Variants in CTNNA2 observed in about 807,000 individuals in gnomAD.
CTNNA2 encodes catenin alpha-2.
CTNNA2 carries 42 observed loss-of-function variants against 101.0 expected under a neutral mutation model. That is an observed-to-expected ratio of 0.42 (90% confidence interval 0.32 to 0.54). CTNNA2 has a LOEUF of 0.54. CTNNA2 is among the 20% of genes least tolerant of loss of function. The pLI is 0.14. For missense variants in CTNNA2, 871 were observed against 1,223.1 expected (o/e 0.71, Z 4.29); for synonymous variants, 450 against 456.4 (o/e 0.99, Z 0.18).
chr2:79,826,196 G>A (rs1678425129), intron 3 of CTNNA2, among the ~76,000 whole-genome samples: 1 of 152,184 alleles, frequency 6.6e-6, no homozygotes, highest in Non-Finnish European at 1.5e-5. Flanking sequence ...ACAGTAATTA[G>A]TTGAATCATT....
intron 4 of CTNNA2, among the ~76,000 whole-genome samples, chr2:79,490,960 TGC>T (rs1432601914): frequency 6.6e-6 from 1 of 152,180 alleles, no homozygotes; most frequent in Non-Finnish European, 1.5e-5. Context: ...AGTGGTTATA[TGC>T]ATTGTCATGG....
chr2:80,300,758 A>G (rs1676207982), intron 7 of CTNNA2, among the ~76,000 whole-genome samples: 2 of 152,232 alleles, frequency 1.3e-5, no homozygotes, highest in South Asian at 4.2e-4. Context: ...TCAATCATAC[A>G]TTTGCTTAAA....
chr2:79,342,874 G>A (rs4143798), intron 3 of CTNNA2, among the ~76,000 whole-genome samples: 47,618 of 152,022 alleles, frequency 0.31, 7,746 homozygotes, highest in Admixed American at 0.43. Flanking sequence ...TCATGCCAGA[G>A]AAGGTTCCAA....
intron 7 of CTNNA2, among the ~76,000 whole-genome samples, chr2:79,918,164 A>G (rs1221237978): frequency 6.6e-6 from 1 of 152,102 alleles, no homozygotes; most frequent in Non-Finnish European, 1.5e-5. Flanking sequence ...CCAACATTTT[A>G]TCTCCTTCCT....
chr2:80,093,686 T>G (rs1274315979), intron 7 of CTNNA2, among the ~76,000 whole-genome samples: 1 of 146,790 alleles, frequency 6.8e-6, no homozygotes, highest in Non-Finnish European at 1.5e-5. Flanking sequence ...GACTTTTTAA[T>G]GATCGCCATT....
chr2:80,019,786 C>G (rs976510500), intron 7 of CTNNA2, among the ~76,000 whole-genome samples: 1 of 152,132 alleles, frequency 6.6e-6, no homozygotes, highest in Non-Finnish European at 1.5e-5. Context: ...CCCACTGAAT[C>G]GAAGACTGTT....
At chr2:79,713,075 G>T (rs528608343) in intron 2 of CTNNA2, among the ~76,000 whole-genome samples, 2 of 152,146 alleles carry the variant, frequency 1.3e-5, no homozygotes, top group Non-Finnish European at 2.9e-5. Context: ...AAAAGAAAAG[G>T]AAATAAATAA....
intron 7 of CTNNA2, among the ~76,000 whole-genome samples, chr2:80,354,780 T>G (rs1233074984): frequency 6.6e-6 from 1 of 152,106 alleles, no homozygotes; most frequent in Non-Finnish European, 1.5e-5. Flanking sequence ...TTTCTCAAAC[T>G]CAGGTGCTAA....
At chr2:80,571,721 C>T (rs1694622858) in intron 12 of CTNNA2, among the ~76,000 whole-genome samples, 1 of 152,154 alleles carries the variant, frequency 6.6e-6, no homozygotes, top group Admixed American at 6.6e-5. Context: ...CCCTGACTCA[C>T]ATCCCTAAGT....
At chr2:79,223,666 C>A (rs1257777486) in intron 2 of CTNNA2, among the ~76,000 whole-genome samples, 3 of 152,166 alleles carry the variant, frequency 2.0e-5, no homozygotes, top group African/African-American at 7.2e-5. Context: ...TATTTCCATT[C>A]TCCTATTTTC....
intron 7 of CTNNA2, among the ~76,000 whole-genome samples, chr2:80,095,112 T>C (rs1413572606): frequency 1.3e-5 from 2 of 152,210 alleles, no homozygotes; most frequent in Non-Finnish European, 2.9e-5. Context: ...CCAGTTATTG[T>C]CCATTCAGTA....
chr2:79,745,846 A>G (rs905313490), intron 3 of CTNNA2, among the ~76,000 whole-genome samples: 1 of 152,184 alleles, frequency 6.6e-6, no homozygotes, highest in African/African-American at 2.4e-5. Context: ...GCTCCTGGGA[A>G]TAATGCTGCT....
Position 80,356,322 on chromosome 2 carries a change from A to G in CTNNA2, c.1057-36889A>G, listed in dbSNP as rs371732171. Among the ~76,000 whole-genome samples, 14 of 152,184 alleles carry G rather than the reference A, an allele frequency of 9.2e-5. No individual in the cohort carries two copies. In the East Asian group the frequency reaches 9.6e-4, roughly 10 times the overall value. On this transcript the variant is annotated intron_variant, in intron 7 of 18. Coordinates refer to ENST00000402739, the MANE Select transcript of CTNNA2 (RefSeq NM_001282597.3). ...TTTGAACATAAACAGGGGCAGCAAG[A>G]CATGGTAAAAACATCATTATACCTA... is the stretch of plus-strand genomic sequence containing the variant.
At chr2:80,429,277 C>G (rs1235391332) in intron 9 of CTNNA2, among the ~76,000 whole-genome samples, 1 of 152,100 alleles carries the variant, frequency 6.6e-6, no homozygotes, top group Non-Finnish European at 1.5e-5. Context: ...CTATTTATAA[C>G]CTTATTTAAT....
chr2:79,407,595 A>G (rs1439450761), intron 4 of CTNNA2, among the ~76,000 whole-genome samples: 1 of 151,980 alleles, frequency 6.6e-6, no homozygotes, highest in African/African-American at 2.4e-5. Context: ...ACCCTCTAGC[A>G]ATGAAGAGGA....
At position 79,345,108 on chromosome 2, in the gene CTNNA2, T is replaced by TA. The variant is rs5832381; in HGVS notation, c.-317-28713dup. Among the ~76,000 whole-genome samples, 674 of 147,122 alleles carry TA rather than the reference T, an allele frequency of 4.6e-3. 2 individuals are homozygous for TA. The highest frequency in any genetic ancestry group is 7.6e-3 in the Non-Finnish European group (509 of 67,174). ...TTTTATTATGGAATGTGTTTTTTTT[T>TA]AAAAAAAAAAGCAAAATGTAACAAA... On this transcript the variant is annotated intron_variant, in intron 3 of 21. Transcript: ENST00000466387.
chr2:79,320,260 A>ATTTTTTTTTTTTTTTTT (rs34694986), intron 3 of CTNNA2, among the ~76,000 whole-genome samples: 6 of 119,784 alleles, frequency 5.0e-5, no homozygotes, highest in Non-Finnish European at 3.4e-5. Flanking sequence ...TTACGTTTCA[A>ATTTTTTTTTTTTTTTTT]TTTTTTTTTT....
At chr2:79,745,566 A>AC (rs1334749942) in intron 3 of CTNNA2, among the ~76,000 whole-genome samples, 1 of 152,148 alleles carries the variant, frequency 6.6e-6, no homozygotes, top group African/African-American at 2.4e-5. Flanking sequence ...GAAACTCTAT[A>AC]CCCATTAAAC....
intron 9 of CTNNA2, among the ~76,000 whole-genome samples, chr2:80,477,832 G>A (rs1685846739): frequency 6.6e-6 from 1 of 151,722 alleles, no homozygotes; most frequent in Non-Finnish European, 1.5e-5. Flanking sequence ...TTGCAATTGT[G>A]AATTGTGCTG....
Sources: gnomAD v4.1 joint callset for allele counts (sites outside exome capture counted in the v4.1 genomes callset) on GRCh38, gnomAD v4.1.1 for gene constraint, MANE v1.5 for transcripts, NCBI Gene and HGNC (gene_info 2026-07-23, HGNC 2026-07-21) for gene names.